The following MRAS variants were observed in gnomAD, a reference collection of about 807,000 sequenced individuals.
MRAS encodes the protein muscle RAS oncogene homolog, also known as ras-related protein M-Ras.
Under a neutral mutation model 20.9 loss-of-function variants are expected in MRAS, and 4 were observed. The ratio of observed to expected loss-of-function variants is 0.19; its 90% CI spans 0.09 to 0.44. MRAS has a LOEUF of 0.44. MRAS is among the 20% of genes least tolerant of loss of function. MRAS has a pLI of 0.99. For synonymous variants in MRAS, 98 were observed against 102.9 expected (o/e 0.95, Z 0.29); for missense variants, 154 against 277.5 (o/e 0.56, Z 3.16).
At chr3:138,401,042 C>A (rs1408811751) in intron 5 of MRAS, among the ~76,000 whole-genome samples, 1 of 152,190 alleles carries the variant, frequency 6.6e-6, no homozygotes, top group Non-Finnish European at 1.5e-5. Flanking sequence ...TTCCAAGGTT[C>A]AAATTTCAGA....
At chr3:138,401,915 C>T (rs757675276) in intron 5 of MRAS, among the ~76,000 whole-genome samples, 3 of 152,166 alleles carry the variant, frequency 2.0e-5, no homozygotes, top group Admixed American at 6.5e-5. Context: ...CAGTCATTCC[C>T]ATCAGTAGGG....
chr3:138,388,639 C>T (rs1167844537), intron 2 of MRAS, among the ~76,000 whole-genome samples: 1 of 151,936 alleles, frequency 6.6e-6, no homozygotes, highest in Non-Finnish European at 1.5e-5. Flanking sequence ...GCAGAGGTTG[C>T]AGTGAGCTGA....
chr3:138,383,790 A>G lies in MRAS; in HGVS notation c.193+10714A>G, dbSNP rs190980946. ...AAGCCCCTGCTCTCATGAAGCTTAT[A>G]TTTTAGTGGGGTGAGGGGACAGAGC... is the stretch of plus-strand genomic sequence containing the variant. On this transcript the variant is annotated intron_variant, in intron 2 of 5. Coordinates refer to ENST00000423968, the MANE Select transcript of MRAS (RefSeq NM_001085049.3). 9.9e-4 allele frequency among the ~76,000 whole-genome samples: 151 copies of G among 152,260 alleles called. 1 individual carries two copies. Among genetic ancestry groups the G allele is most frequent in the Admixed American group, 3.2e-3 (49 of 15,294 alleles).
Position 138,402,311 on chromosome 3 carries a change from C to A in MRAS, c.*42C>A. 6.6e-7 allele frequency: 1 copy of A among 1,510,336 alleles called. No homozygotes were observed. Among genetic ancestry groups the A allele is most frequent in the Non-Finnish European group, 9.2e-7 (1 of 1,089,078 alleles). The allele number at this position is 1,510,336 out of a possible 1,614,324, so 93.6% of individuals were successfully genotyped here. A position where few individuals can be genotyped will look rare whatever the true frequency, so the allele number is the denominator to read the frequency against. ...GGCACAGTGACGGTGGCCTGGCCAG[C>A]CCTCGGGACCCCTCCCCACCTAACT... On this transcript the variant is annotated 3_prime_UTR_variant, in exon 6 of 6. Coordinates refer to ENST00000423968, the MANE Select transcript of MRAS (RefSeq NM_001085049.3).
chr3:138,372,460 G>C (rs1431613200), intron 1 of MRAS, among the ~76,000 whole-genome samples: 1 of 152,134 alleles, frequency 6.6e-6, no homozygotes, highest in African/African-American at 2.4e-5. Flanking sequence ...TCTCAGCATA[G>C]CAGCCCAGTT....
Position 138,398,465 on chromosome 3 carries a change from C to T in MRAS, c.348-4C>T, listed in dbSNP as rs2055287553. The T allele has an allele frequency of 1.9e-6, 3 of 1,613,546 alleles. No homozygotes were observed. Among genetic ancestry groups the T allele is most frequent in the South Asian group, 2.2e-5 (2 of 91,064 alleles). ...CACAGAGCTGCTGTTCCTTTATTTC[C>T]CAGGGAGTCATTCCCGATGATCCTC... On this transcript the variant is annotated splice_region_variant and splice_polypyrimidine_tract_variant and intron_variant, in intron 3 of 5. Coordinates refer to ENST00000423968, the MANE Select transcript of MRAS (RefSeq NM_001085049.3).
intron 1 of MRAS, among the ~76,000 whole-genome samples, chr3:138,352,945 G>T (rs568604902): frequency 6.6e-6 from 1 of 152,068 alleles, no homozygotes; most frequent in Non-Finnish European, 1.5e-5. Flanking sequence ...AAATATACAC[G>T]TGAAAATACG....
At chr3:138,387,920 C>T (rs78025880) in intron 2 of MRAS, among the ~76,000 whole-genome samples, 3,720 of 152,254 alleles carry the variant, frequency 0.024, 143 homozygotes, top group African/African-American at 0.083. Flanking sequence ...AGGGTGTAGC[C>T]TCCAGCATGA....
intron 2 of MRAS, among the ~76,000 whole-genome samples, chr3:138,395,781 C>T (rs2055223813): frequency 6.6e-6 from 1 of 152,240 alleles, no homozygotes; most frequent in African/African-American, 2.4e-5. Context: ...GTCTCATTCG[C>T]CTTCTGTCCA....
intron 2 of MRAS, among the ~76,000 whole-genome samples, chr3:138,382,488 T>C (rs541318779): frequency 6.6e-6 from 1 of 152,356 alleles, no homozygotes; most frequent in Non-Finnish European, 1.5e-5. Flanking sequence ...CTGCAGCCAG[T>C]GTACCTCAGT....
At chr3:138,359,541 C>G (rs983739772) in intron 1 of MRAS, among the ~76,000 whole-genome samples, 1 of 152,238 alleles carries the variant, frequency 6.6e-6, no homozygotes, top group Non-Finnish European at 1.5e-5. Flanking sequence ...TCACATTCTT[C>G]ATTAATGGTG....
rs2055412114 is a variant in MRAS at position 138,404,128 on chromosome 3, T to C, written c.*1859T>C. 1 of 152,224 alleles carries C rather than the reference T, an allele frequency of 6.6e-6. No individual in the cohort carries two copies. Among genetic ancestry groups the C allele is most frequent in the Admixed American group, 6.5e-5 (1 of 15,278 alleles). 9.4% of individuals were successfully genotyped at this position (152,224 alleles called of 1,614,324 possible). ...GACCCTATAGTGTTAAGAGGTATTTTAAACACTAAAAGGACAAAGCTCTTC... is the reference window on the plus strand; with the variant it reads ...GACCCTATAGTGTTAAGAGGTATTTCAAACACTAAAAGGACAAAGCTCTTC... On this transcript the variant is annotated 3_prime_UTR_variant, in exon 6 of 6. Transcript: ENST00000423968.
chr3:138,349,533 G>A (rs905004417), intron 1 of MRAS, among the ~76,000 whole-genome samples: 1 of 152,204 alleles, frequency 6.6e-6, no homozygotes, highest in Non-Finnish European at 1.5e-5. Flanking sequence ...GGCTAGAGCT[G>A]AGGTCTGTTC....
At chr3:138,363,692 ATG>A (rs971298335) in intron 1 of MRAS, among the ~76,000 whole-genome samples, 18 of 151,930 alleles carry the variant, frequency 1.2e-4, no homozygotes, top group East Asian at 7.7e-4. Flanking sequence ...TGAGAGGAGC[ATG>A]TGTGTGTCTT....
At chr3:138,380,603 G>T (rs1030800093) in intron 2 of MRAS, among the ~76,000 whole-genome samples, 7 of 151,534 alleles carry the variant, frequency 4.6e-5, no homozygotes, top group African/African-American at 9.8e-5. Context: ...GAGCCACCGC[G>T]CCCGGCTTCT....
At chr3:138,389,241 A>G (rs1720825) in intron 2 of MRAS, among the ~76,000 whole-genome samples, 128,439 of 151,858 alleles carry the variant, frequency 0.85, 54,581 homozygotes, top group East Asian at 0.98. Context: ...CAGATGATGC[A>G]TCTAGTCATT....
At chr3:138,387,011 G>A (rs1398336082) in intron 2 of MRAS, among the ~76,000 whole-genome samples, 1 of 152,146 alleles carries the variant, frequency 6.6e-6, no homozygotes, top group Non-Finnish European at 1.5e-5. Context: ...GTGTGTGAGG[G>A]GTCCCATGCC....
At chr3:138,399,908 A>T (rs948971537) in intron 4 of MRAS, among the ~76,000 whole-genome samples, 1 of 152,184 alleles carries the variant, frequency 6.6e-6, no homozygotes, top group Non-Finnish European at 1.5e-5. Flanking sequence ...CTGTGGGGCC[A>T]CCACAGTCGT....
chr3:138,402,510 C>A lies in MRAS; in HGVS notation c.*241C>A. 2.2e-6 allele frequency: 1 copy of A among 458,464 alleles called. No individual in the cohort carries two copies. The highest frequency in any genetic ancestry group is 3.9e-5 in the Admixed American group (1 of 25,642). 28.4% of individuals were successfully genotyped at this position (458,464 alleles called of 1,614,324 possible). ...TAAGCAGAAGCAGCATCCAAGTGCCCCTGGCCCCCCCATGTGTTGATTCAA... is the reference window on the plus strand; with the variant it reads ...TAAGCAGAAGCAGCATCCAAGTGCCACTGGCCCCCCCATGTGTTGATTCAA... On this transcript the variant is annotated 3_prime_UTR_variant, in exon 6 of 6. Coordinates refer to ENST00000423968, the MANE Select transcript of MRAS (RefSeq NM_001085049.3).
Sources: gnomAD v4.1 joint callset for allele counts (sites outside exome capture counted in the v4.1 genomes callset) on GRCh38, gnomAD v4.1.1 for gene constraint, MANE v1.5 for transcripts, NCBI Gene and HGNC (gene_info 2026-07-23, HGNC 2026-07-21) for gene names.